The following NRP1 variants were observed in gnomAD, a reference collection of about 807,000 sequenced individuals.
NRP1 encodes the protein neuropilin 1.
NRP1 carries 35 observed loss-of-function variants against 106.7 expected under a neutral mutation model. The ratio of observed to expected loss-of-function variants is 0.33; its 90% CI spans 0.25 to 0.43. The LOEUF (loss-of-function observed/expected upper bound fraction) is 0.43, where lower values mean the gene tolerates loss of function less well. NRP1 is among the 20% of genes least tolerant of loss of function. The pLI, the probability that NRP1 is intolerant of heterozygous loss-of-function variation, is 1.00. For synonymous variants in NRP1, 437 were observed against 417.9 expected (o/e 1.05, Z -0.56); for missense variants, 1,024 against 1,170.4 (o/e 0.87, Z 1.83).
chr10:33,181,997 G>A (rs989320273), intron 16 of NRP1, among the ~76,000 whole-genome samples: 1 of 152,108 alleles, frequency 6.6e-6, no homozygotes, highest in Non-Finnish European at 1.5e-5. Flanking sequence ...GGAAGGTTGA[G>A]GCAGGAAAAT....
In NRP1 at chr10:33,247,606, C is replaced by T. The variant is rs184815310; in HGVS notation, c.981+6422G>A. Among the ~76,000 whole-genome samples the T allele has an allele frequency of 3.8e-3, 575 of 152,308 alleles. 1 individual carries two copies. Among genetic ancestry groups the T allele is most frequent in the Non-Finnish European group, 5.9e-3 (400 of 68,038 alleles). On this transcript the variant is annotated intron_variant, in intron 6 of 16. Transcript: ENST00000374867. The stretch of plus-strand genomic sequence containing the variant: ...CCTGATGCCAGGATTAGTTATGTTT[C>T]TCCGAATAGCTGGCATGAGAGTATC...
chr10:33,290,735 CA>C (rs1844934995), intron 2 of NRP1, among the ~76,000 whole-genome samples: 1 of 152,130 alleles, frequency 6.6e-6, no homozygotes, highest in African/African-American at 2.4e-5. Flanking sequence ...TCAAGATTCA[CA>C]AACGAGATAC....
At chr10:33,324,265 G>A (rs1220872257) in intron 2 of NRP1, among the ~76,000 whole-genome samples, 1 of 152,148 alleles carries the variant, frequency 6.6e-6, no homozygotes, top group African/African-American at 2.4e-5. Flanking sequence ...GCTGCAAGTG[G>A]TAGTAACAAC....
chr10:33,305,919 C>T (rs1213469558), intron 2 of NRP1, among the ~76,000 whole-genome samples: 1 of 151,952 alleles, frequency 6.6e-6, no homozygotes, highest in Non-Finnish European at 1.5e-5. Flanking sequence ...CAGGCACATA[C>T]CACCACGCCC....
At chr10:33,260,104 C>T (rs1038807037) in intron 4 of NRP1, among the ~76,000 whole-genome samples, 4 of 152,046 alleles carry the variant, frequency 2.6e-5, no homozygotes, top group African/African-American at 9.7e-5. Flanking sequence ...CTCAAGCAGT[C>T]CCTCCCACCT....
chr10:33,182,892 A>G, intron 15 of NRP1, 144 bp from the exon 16 acceptor site: 2 of 706,090 alleles, frequency 2.8e-6, no homozygotes, highest in Non-Finnish European at 5.0e-6. Context: ...TGGATTTTTT[A>G]GTTCAATCAG....
chr10:33,325,949 G>T (rs575181926), intron 2 of NRP1, among the ~76,000 whole-genome samples: 35 of 152,252 alleles, frequency 2.3e-4, no homozygotes, highest in Admixed American at 1.8e-3. Flanking sequence ...CTTGTCAGTA[G>T]GAAAAGCACT....
At chr10:33,202,651 C>T in intron 11 of NRP1, 4 of 1,539,838 alleles carry the variant, frequency 2.6e-6, no homozygotes, top group Non-Finnish European at 3.5e-6. Flanking sequence ...TAAGATAATC[C>T]TAGCCTTTGG....
At chr10:33,237,962 C>T (rs1463825867) in intron 6 of NRP1, among the ~76,000 whole-genome samples, 1 of 152,184 alleles carries the variant, frequency 6.6e-6, no homozygotes, top group African/African-American at 2.4e-5. Context: ...CACAAATGCA[C>T]ACAAACACTT....
chr10:33,191,410 AG>A (rs1279972136), intron 13 of NRP1, among the ~76,000 whole-genome samples: 32 of 152,360 alleles, frequency 2.1e-4, no homozygotes, highest in African/African-American at 7.5e-4. Flanking sequence ...CCAGTGAATA[AG>A]AATTCCACAC....
At chr10:33,321,890 C>T (rs1174172744) in intron 2 of NRP1, among the ~76,000 whole-genome samples, 2 of 152,334 alleles carry the variant, frequency 1.3e-5, no homozygotes, top group East Asian at 3.9e-4. Context: ...CCATCACCTC[C>T]AACCTGGCTG....
intron 2 of NRP1, among the ~76,000 whole-genome samples, chr10:33,273,802 C>G (rs778810009): frequency 6.6e-6 from 1 of 152,106 alleles, no homozygotes; most frequent in African/African-American, 2.4e-5. Context: ...GGTCCCTGCT[C>G]TGGAAAAAGA....
chr10:33,192,177 C>CT, intron 13 of NRP1, 104 bp downstream of exon 13: 2 of 1,278,584 alleles, frequency 1.6e-6, no homozygotes, highest in Admixed American at 4.5e-5. Context: ...GTAGTAATTC[C>CT]TACCCGCCCT....
At chr10:33,327,348 A>G (rs1052151910) in intron 2 of NRP1, among the ~76,000 whole-genome samples, 15 of 152,128 alleles carry the variant, frequency 9.9e-5, no homozygotes, top group Admixed American at 5.9e-4. Flanking sequence ...CCTACTAGTA[A>G]CCCTATGACA....
In NRP1 at chr10:33,270,677, C is replaced by T. The variant is rs1843244779; in HGVS notation, c.428G>A (p.Arg143Lys). The T allele has an allele frequency of 6.2e-7, 1 of 1,608,926 alleles. No individual in the cohort carries two copies. The highest frequency in any genetic ancestry group is 1.3e-5 in the African/African-American group (1 of 74,792). The change falls in exon 3 of 17, where the codon AGA becomes AAA. Residue 143 changes from arginine (R) to lysine (K), a missense_variant and splice_region_variant. Arg to Lys is a conservative substitution (Grantham distance 26). This residue lies in a region of NRP1 where 279 missense variants were observed against 327.4 expected (regional missense o/e 0.85). Coordinates refer to ENST00000374867, the MANE Select transcript of NRP1 (RefSeq NM_003873.7). ...GFSIRYEIFK[R>K]GPECSQNYTT... ...TCTACCGTAAGCTGTTCACTCACCT[C>T]TCTTGAAAATTTCATAACGTATGGA...
At position 33,178,243 on chromosome 10, in the gene NRP1, G is replaced by A. The variant is rs1419669413; in HGVS notation, c.*1833C>T. The A allele has an allele frequency of 1.3e-5, 2 of 152,194 alleles. No individual in the cohort carries two copies. The highest frequency in any genetic ancestry group is 4.8e-5 in the African/African-American group (2 of 41,426). 9.4% of individuals were successfully genotyped at this position (152,194 alleles called of 1,614,324 possible). A position where few individuals can be genotyped will look rare whatever the true frequency, so the allele number is the denominator to read the frequency against. ...AGTGAGACGTCTAGCAATGTGGGAAGGAAGATCTAAAAAATCTCATGTCCA... is the reference window on the plus strand; with the variant it reads ...AGTGAGACGTCTAGCAATGTGGGAAAGAAGATCTAAAAAATCTCATGTCCA... On this transcript the variant is annotated 3_prime_UTR_variant, in exon 17 of 17. Transcript: ENST00000374867.
At chr10:33,258,923 C>T (rs1334458018) in intron 4 of NRP1, among the ~76,000 whole-genome samples, 1 of 151,954 alleles carries the variant, frequency 6.6e-6, no homozygotes, top group African/African-American at 2.4e-5. Flanking sequence ...CTATTTTTTC[C>T]CTCATTTAAA....
At chr10:33,259,174 C>T (rs903656329) in intron 4 of NRP1, among the ~76,000 whole-genome samples, 3 of 152,170 alleles carry the variant, frequency 2.0e-5, no homozygotes, top group African/African-American at 7.2e-5. Flanking sequence ...CAGAAGAGAA[C>T]TTGTCTGATG....
chr10:33,278,791 C>T (rs1383353028), intron 2 of NRP1, among the ~76,000 whole-genome samples: 2 of 152,130 alleles, frequency 1.3e-5, no homozygotes, highest in Admixed American at 6.5e-5. Context: ...GCTAATCTCA[C>T]ACATTAAAAA....
Sources: allele counts gnomAD v4.1 joint callset (sites outside exome capture counted in the v4.1 genomes callset), GRCh38; gene constraint gnomAD v4.1.1; regional missense constraint gnomAD v4.1.1; transcripts MANE v1.5; gene names NCBI Gene and HGNC (gene_info 2026-07-23, HGNC 2026-07-21).